MINDY3: variants seen among roughly 807,000 people sequenced by gnomAD.
MINDY3 encodes ubiquitin carboxyl-terminal hydrolase MINDY-3.
MINDY3 carries 38 observed loss-of-function variants against 69.2 expected under a neutral mutation model. The ratio of observed to expected loss-of-function variants is 0.55; its 90% CI spans 0.42 to 0.72. The LOEUF is 0.72. Among genes scored for constraint, MINDY3 ranks in the 30% least tolerant of loss-of-function variants. The pLI is 0.00. For missense variants in MINDY3, 522 were observed against 519.0 expected (o/e 1.01, Z -0.06); for synonymous variants, 192 against 180.1 (o/e 1.07, Z -0.53).
chr10:15,813,595 T>G (rs1839157748), intron 10 of MINDY3, among the ~76,000 whole-genome samples: 1 of 152,196 alleles, frequency 6.6e-6, no homozygotes, highest in Non-Finnish European at 1.5e-5. Flanking sequence ...TATCTATTTT[T>G]GCTCACCACT....
At chr10:15,823,585 G>A (rs1253313184) in intron 8 of MINDY3, among the ~76,000 whole-genome samples, 1 of 151,904 alleles carries the variant, frequency 6.6e-6, no homozygotes, top group Non-Finnish European at 1.5e-5. Flanking sequence ...TCTAAATTAT[G>A]TTTTATTTCT....
intron 10 of MINDY3, among the ~76,000 whole-genome samples, chr10:15,807,274 G>A (rs187679952): frequency 1.6e-3 from 242 of 152,298 alleles, no homozygotes; most frequent in South Asian, 3.1e-3. Flanking sequence ...ACAGTAGGTA[G>A]TGTGGGAAAT....
At chr10:15,822,598 A>C (rs1839844870) in intron 8 of MINDY3, among the ~76,000 whole-genome samples, 1 of 152,192 alleles carries the variant, frequency 6.6e-6, no homozygotes, top group African/African-American at 2.4e-5. Context: ...CAAAGAATTA[A>C]GAAGTAAGTT....
At chr10:15,842,208 A>G (rs527327857) in intron 3 of MINDY3, among the ~76,000 whole-genome samples, 2 of 151,984 alleles carry the variant, frequency 1.3e-5, no homozygotes, top group East Asian at 3.9e-4. Context: ...TTCAAGCAGT[A>G]TTACTCTCAA....
intron 4 of MINDY3, among the ~76,000 whole-genome samples, chr10:15,840,514 ATAGATAATACT>A (rs888403084): frequency 6.6e-6 from 1 of 151,816 alleles, no homozygotes; most frequent in African/African-American, 2.4e-5. Flanking sequence ...ACAGCACCTT[ATAGATAATACT>A]ATATGGAAAG....
intron 8 of MINDY3, among the ~76,000 whole-genome samples, chr10:15,823,834 A>T (rs1045801914): frequency 5.9e-5 from 9 of 152,098 alleles, no homozygotes; most frequent in African/African-American, 2.2e-4. Context: ...GTTATCTATC[A>T]TTCCACTCTC....
At chr10:15,849,446 GTTT>G (rs201568467) in intron 1 of MINDY3, among the ~76,000 whole-genome samples, 1 of 142,908 alleles carries the variant, frequency 7.0e-6, no homozygotes, top group Non-Finnish European at 1.5e-5. Flanking sequence ...CATCTTACTG[GTTT>G]TTTTTTTTTT....
intron 10 of MINDY3, among the ~76,000 whole-genome samples, chr10:15,815,487 A>C (rs184882550): frequency 9.1e-4 from 139 of 152,342 alleles, no homozygotes; most frequent in East Asian, 6.6e-3. Context: ...CTACAGAAAC[A>C]AATAATAAAC....
At chr10:15,791,454 G>C (rs961426027) in intron 11 of MINDY3, among the ~76,000 whole-genome samples, 2 of 151,874 alleles carry the variant, frequency 1.3e-5, no homozygotes, top group Non-Finnish European at 2.9e-5. Context: ...GCAGATCTAT[G>C]AAGAACTAAA....
chr10:15,830,697 G>A (rs1840396052), intron 8 of MINDY3, among the ~76,000 whole-genome samples: 1 of 152,220 alleles, frequency 6.6e-6, no homozygotes, highest in Non-Finnish European at 1.5e-5. Flanking sequence ...AATGAGCCAT[G>A]CAGTGTGCCA....
chr10:15,820,982 TCTA>T (rs1839717577), intron 9 of MINDY3, among the ~76,000 whole-genome samples: 1 of 152,168 alleles, frequency 6.6e-6, no homozygotes, highest in South Asian at 2.1e-4. Flanking sequence ...GAAAACTAGA[TCTA>T]CTTCTTTCTC....
intron 6 of MINDY3, among the ~76,000 whole-genome samples, chr10:15,835,557 G>A (rs1228336472): frequency 6.6e-6 from 1 of 152,026 alleles, no homozygotes; most frequent in Non-Finnish European, 1.5e-5. Flanking sequence ...TACTGAGGAA[G>A]GGGATACCAT....
chr10:15,795,033 TA>T (rs1837706026), intron 11 of MINDY3, among the ~76,000 whole-genome samples: 1 of 151,316 alleles, frequency 6.6e-6, no homozygotes, highest in Non-Finnish European at 1.5e-5. Flanking sequence ...AAATCTTCAC[TA>T]GTAAAACAAA....
intron 1 of MINDY3, among the ~76,000 whole-genome samples, chr10:15,852,571 C>T (rs1834379958): frequency 1.3e-5 from 2 of 152,088 alleles, no homozygotes; most frequent in Non-Finnish European, 2.9e-5. Flanking sequence ...ATTAACTGAG[C>T]TCCTAGAAAG....
intron 2 of MINDY3, among the ~76,000 whole-genome samples, chr10:15,845,328 T>G (rs1833754342): frequency 6.6e-6 from 1 of 152,164 alleles, no homozygotes; most frequent in Non-Finnish European, 1.5e-5. Context: ...TATTATGTAT[T>G]TGGTTCCATT....
At chr10:15,802,224 G>A (rs1221885794) in intron 10 of MINDY3, among the ~76,000 whole-genome samples, 2 of 151,950 alleles carry the variant, frequency 1.3e-5, no homozygotes, top group Non-Finnish European at 2.9e-5. Flanking sequence ...TTACTCAAGG[G>A]TCAATTATGT....
At chr10:15,804,584 A>T (rs1838498851) in intron 10 of MINDY3, among the ~76,000 whole-genome samples, 1 of 151,936 alleles carries the variant, frequency 6.6e-6, no homozygotes, top group East Asian at 1.9e-4. Flanking sequence ...CACATATATA[A>T]ATGACATTTT....
intron 12 of MINDY3, among the ~76,000 whole-genome samples, chr10:15,787,624 G>A (rs1402299711): frequency 3.3e-5 from 5 of 152,074 alleles, no homozygotes; most frequent in Non-Finnish European, 4.4e-5. Context: ...TAAGGTTTAT[G>A]AAAGCTGCAT....
At chr10:15,835,962 TTAAGA>T (rs1433178928) in intron 6 of MINDY3, among the ~76,000 whole-genome samples, 4 of 152,164 alleles carry the variant, frequency 2.6e-5, no homozygotes, top group South Asian at 4.2e-4. Flanking sequence ...CTATCCCAAT[TTAAGA>T]TATCTTTTAT....
Sources: allele counts gnomAD v4.1 joint callset (sites outside exome capture counted in the v4.1 genomes callset), GRCh38; gene constraint gnomAD v4.1.1; transcripts MANE v1.5; gene names NCBI Gene and HGNC (gene_info 2026-07-23, HGNC 2026-07-21).